Variants in ARHGEF37 observed in about 807,000 individuals in gnomAD.
ARHGEF37 encodes Rho guanine nucleotide exchange factor (GEF) 37.
A neutral mutation model predicts 71.1 loss-of-function variants in ARHGEF37; 55 were observed. The observed-to-expected ratio is 0.77, with a 90% CI of 0.62 to 0.97. The LOEUF is 0.97. Among genes scored for constraint, ARHGEF37 ranks in the 50% least tolerant of loss-of-function variants. The pLI is 0.00. For synonymous variants in ARHGEF37, 327 were observed against 350.6 expected (o/e 0.93, Z 0.75); for missense variants, 765 against 836.8 (o/e 0.91, Z 1.06).
intron 1 of ARHGEF37, among the ~76,000 whole-genome samples, chr5:149,566,199 T>C (rs1487843972): frequency 3.3e-5 from 5 of 150,896 alleles, no homozygotes; most frequent in Admixed American, 6.6e-5. Flanking sequence ...CATTGAACCT[T>C]CAAAAACCCT....
chr5:149,557,864 A>C (rs1356608959), intron 1 of ARHGEF37, among the ~76,000 whole-genome samples: 2 of 149,706 alleles, frequency 1.3e-5, no homozygotes, highest in Non-Finnish European at 2.9e-5. Flanking sequence ...TTTACCCAAT[A>C]ATTTTTTTTT....
chr5:149,610,546 C>A (rs1000367169), intron 4 of ARHGEF37, among the ~76,000 whole-genome samples: 1 of 152,114 alleles, frequency 6.6e-6, no homozygotes, highest in African/African-American at 2.4e-5. Context: ...AGTGCTGGGA[C>A]AACAGGCGTG....
In ARHGEF37 at chr5:149,628,935, C is replaced by T; in HGVS notation, c.1787C>T (p.Ala596Val). ...PRCLTPEPSP[A>V]LVPSIPTMNQ... ...TGTCTAACACCGGAGCCCAGCCCAG[C>T]TCTAGTGCCCTCTATTCCCACCATG... Residue 596 changes from alanine (A) to valine (V), a missense_variant, in exon 12 of 13, where the codon GCT (alanine) becomes GTT (valine). Physicochemically the swap from Ala to Val is moderately conservative, Grantham distance 64 (BLOSUM62 0). Around this residue, in one of 5 missense-constraint regions of ARHGEF37, gnomAD observed 390 missense variants for 407.4 expected, o/e 0.96. Transcript: ENST00000333677. 6.2e-7 allele frequency: 1 copy of T among 1,612,832 alleles called. No homozygotes were observed. Among genetic ancestry groups the T allele is most frequent in the South Asian group, 1.1e-5 (1 of 91,016 alleles).
rs78140978 is a variant in ARHGEF37, at chr5:149,582,459, C to T, written c.-12+835C>T. Among the ~76,000 whole-genome samples, 173 of 152,342 alleles carry T rather than the reference C, an allele frequency of 1.1e-3. 3 individuals carry two copies. The East Asian group carries it at 0.032, about 28-fold the overall frequency. On this transcript the variant is annotated intron_variant, in intron 1 of 12. Coordinates refer to ENST00000333677, the MANE Select transcript of ARHGEF37 (RefSeq NM_001001669.3). ...TCCAGGAAGCATAGTTTAACCTTTT[C>T]AAGGCCTAGTTTTATGTGTAGACGG...
At chr5:149,563,946 ATTTTTTT>A (rs570750342) in intron 1 of ARHGEF37, among the ~76,000 whole-genome samples, 47 of 124,866 alleles carry the variant, frequency 3.8e-4, no homozygotes, top group Non-Finnish European at 5.5e-4. Flanking sequence ...ATTAGTTTAA[ATTTTTTT>A]TTTTTTTTTT....
At chr5:149,577,051 G>C (rs749405342), upstream of ARHGEF37, among the ~76,000 whole-genome samples, 52 of 152,136 alleles carry the variant, frequency 3.4e-4, 1 homozygote, top group Non-Finnish European at 7.5e-4. Flanking sequence ...CGGTTATAGA[G>C]ATCTTTGCAG....
intron 1 of ARHGEF37, among the ~76,000 whole-genome samples, chr5:149,595,541 T>C (rs1345864116): frequency 6.6e-6 from 1 of 152,160 alleles, no homozygotes; most frequent in East Asian, 1.9e-4. Context: ...GTCTTTCCTC[T>C]TTCCCTGTTT....
intron 3 of ARHGEF37, among the ~76,000 whole-genome samples, chr5:149,603,001 C>T (rs892494953): frequency 3.3e-5 from 5 of 152,026 alleles, no homozygotes; most frequent in South Asian, 2.1e-4. Flanking sequence ...GGCATGATCT[C>T]GGCTCACTGC....
chr5:149,592,629 T>A (rs1763443225), intron 1 of ARHGEF37, among the ~76,000 whole-genome samples: 1 of 152,214 alleles, frequency 6.6e-6, no homozygotes. Flanking sequence ...GTACATAAGT[T>A]CTCTTACTGC....
At chr5:149,618,077 G>A (rs1324859497) in intron 5 of ARHGEF37, 99 bp from the exon 6 acceptor site, 1 of 1,516,772 alleles carries the variant, frequency 6.6e-7, no homozygotes, top group African/African-American at 1.4e-5. Context: ...CCCTGATGGA[G>A]CAGAGGGCCC....
intron 1 of ARHGEF37, among the ~76,000 whole-genome samples, chr5:149,568,811 CAA>C (rs748620450): frequency 0.012 from 669 of 57,364 alleles, 6 homozygotes; most frequent in African/African-American, 0.034. Flanking sequence ...GACTCCATCT[CAA>C]AAAAAAAAAA....
At chr5:149,628,408 A>G (rs1264396894) in intron 11 of ARHGEF37, among the ~76,000 whole-genome samples, 2 of 152,216 alleles carry the variant, frequency 1.3e-5, no homozygotes, top group African/African-American at 4.8e-5. Context: ...CTGGGCTCAC[A>G]TGGAGAGGAG....
At chr5:149,555,981 CA>C (rs1762749052) in intron 1 of ARHGEF37, among the ~76,000 whole-genome samples, 2 of 152,120 alleles carry the variant, frequency 1.3e-5, no homozygotes, top group South Asian at 4.1e-4. Context: ...ATAATAAAAA[CA>C]AAAACCATTT....
rs777904977 is a variant in ARHGEF37, at chr5:149,627,235, A to G, written c.1624A>G (p.Lys542Glu). ...IVAILQNKDT[K>E]GNSGRWLVDT... ...GGCCATCCTTCAAAACAAGGACACCAAAGGCAACAGCGGCCGCTGGCTGGT... is the reference window on the plus strand; with the variant it reads ...GGCCATCCTTCAAAACAAGGACACCGAAGGCAACAGCGGCCGCTGGCTGGT... Residue 542 changes from lysine (K) to glutamate (E), a missense_variant, in exon 11 of 13, where the codon AAA becomes GAA. Coordinates refer to ENST00000333677, the MANE Select transcript of ARHGEF37 (RefSeq NM_001001669.3). 2.5e-6 allele frequency: 4 copies of G among 1,614,030 alleles called. No individual in the cohort carries two copies. In the East Asian group the frequency reaches 6.7e-5, roughly 27 times the overall value.
intron 5 of ARHGEF37, among the ~76,000 whole-genome samples, chr5:149,617,005 T>C (rs1752401365): frequency 6.6e-6 from 1 of 152,178 alleles, no homozygotes. Context: ...TGCCTCATAA[T>C]AGTAAGTTGT....
chr5:149,629,185 C>A (rs894437898), intron 12 of ARHGEF37, among the ~76,000 whole-genome samples: 1 of 151,786 alleles, frequency 6.6e-6, no homozygotes, highest in African/African-American at 2.4e-5. Context: ...AAAGAACTAA[C>A]CCCTTGTTCC....
chr5:149,557,650 GGA>G (rs1554119074), intron 1 of ARHGEF37, among the ~76,000 whole-genome samples: 2 of 151,994 alleles, frequency 1.3e-5, no homozygotes, highest in Non-Finnish European at 2.9e-5. Context: ...GGCCTAACAG[GGA>G]GTTGCTTTAG....
In ARHGEF37 at chr5:149,601,107, G is replaced by A; in HGVS notation, c.187-1G>A. On this transcript the variant is annotated splice_acceptor_variant, in intron 2 of 12. Transcript: ENST00000333677. LOFTEE classifies it high-confidence loss of function. ...TCTCATGGCTTCTTTGTTCCTTCCA[G>A]TTGCCGCAGGGAGATCTGGATGTCC... is the stretch of plus-strand genomic sequence containing the variant. 1 of 1,609,310 alleles carries A rather than the reference G, an allele frequency of 6.2e-7. No homozygotes were observed. The highest frequency in any genetic ancestry group is 8.5e-7 in the Non-Finnish European group (1 of 1,176,300).
At chr5:149,566,374 G>A (rs1762898607) in intron 1 of ARHGEF37, among the ~76,000 whole-genome samples, 1 of 151,982 alleles carries the variant, frequency 6.6e-6, no homozygotes. Context: ...GCAGGCACCT[G>A]TAATCCCAGC....
Sources: gnomAD v4.1 joint callset for allele counts (sites outside exome capture counted in the v4.1 genomes callset) on GRCh38, gnomAD v4.1.1 for gene constraint, gnomAD v4.1.1 regional missense constraint, MANE v1.5 for transcripts, NCBI Gene and HGNC (gene_info 2026-07-23, HGNC 2026-07-21) for gene names.